Variants in TRIO observed in about 807,000 individuals in gnomAD.
TRIO encodes trio Rho guanine nucleotide exchange factor.
In TRIO, 58 loss-of-function variants were observed where a neutral mutation model predicts 351.9. That is an observed-to-expected ratio of 0.16 (90% CI 0.13 to 0.21). TRIO has a LOEUF of 0.21. TRIO is among the 10% of genes least tolerant of loss of function. TRIO has a pLI of 1.00. For synonymous variants in TRIO, 1,758 were observed against 1,595.7 expected, an observed-to-expected ratio of 1.10 and a Z score of -2.42; for missense variants, 3,201 against 4,027.8, an observed-to-expected ratio of 0.79 and a Z score of 5.56.
intron 1 of TRIO, among the ~76,000 whole-genome samples, chr5:14,197,500 T>A (rs1790855378): frequency 6.6e-6 from 1 of 152,234 alleles, no homozygotes; most frequent in Admixed American, 6.5e-5. Flanking sequence ...AAAGCAGTCA[T>A]ATCATTAGTC....
At chr5:14,451,445 C>T (rs547988451) in intron 34 of TRIO, among the ~76,000 whole-genome samples, 13 of 152,272 alleles carry the variant, frequency 8.5e-5, no homozygotes, top group African/African-American at 2.4e-4. Context: ...GAACCAACAC[C>T]GTCAACAGTC....
intron 48 of TRIO, 130 bp from the exon 49 acceptor site, chr5:14,492,437 C>T (rs1339343665): frequency 3.2e-6 from 4 of 1,252,384 alleles, no homozygotes; most frequent in Non-Finnish European, 4.4e-6. Context: ...TTGAAAATTT[C>T]TCGGTGCTTG....
intron 1 of TRIO, among the ~76,000 whole-genome samples, chr5:14,232,470 G>A (rs1014959542): frequency 3.9e-5 from 6 of 152,174 alleles, no homozygotes; most frequent in Admixed American, 6.5e-5. Flanking sequence ...ACTTGGTTAC[G>A]TTTATGGTGT....
intron 1 of TRIO, among the ~76,000 whole-genome samples, chr5:14,183,306 C>G (rs925251111): frequency 5.3e-5 from 8 of 152,088 alleles, no homozygotes; most frequent in Non-Finnish European, 1.0e-4. Context: ...TGACTTCTCT[C>G]CATCAGCAAG....
chr5:14,290,868 G>A lies in TRIO; in HGVS notation c.693G>A (p.Leu231=), dbSNP rs1261086026. ...EDYISNATHM[L]SRLEELQDIL... ...ACATTAGCAATGCCACCCACATGCT[G>A]TCTCGGCTGGAGGAACTTCAGGACA... Residue 231 remains leucine, a synonymous_variant, in exon 5 of 57, where the codon CTG becomes CTA. Transcript: ENST00000344204. The A allele has an allele frequency of 6.2e-7, 1 of 1,614,144 alleles. No individual in the cohort carries two copies. Among genetic ancestry groups the A allele is most frequent in the Admixed American group, 1.7e-5 (1 of 60,018 alleles).
chr5:14,379,437 A>T (rs1745873742), intron 20 of TRIO, among the ~76,000 whole-genome samples: 1 of 152,208 alleles, frequency 6.6e-6, no homozygotes, highest in Admixed American at 6.5e-5. Context: ...CCAGAGTTAG[A>T]TGAACTGGGT....
chr5:14,155,409 A>G (rs928953763), intron 1 of TRIO, among the ~76,000 whole-genome samples: 1 of 152,228 alleles, frequency 6.6e-6, no homozygotes, highest in Non-Finnish European at 1.5e-5. Context: ...ATATGATATC[A>G]TGATCTAAAT....
At chr5:14,148,908 G>A (rs1268575948) in intron 1 of TRIO, among the ~76,000 whole-genome samples, 2 of 152,240 alleles carry the variant, frequency 1.3e-5, no homozygotes, top group Non-Finnish European at 2.9e-5. Flanking sequence ...GGGTAAGCGG[G>A]TTCGATGTGC....
At chr5:14,230,246 C>T (rs991187145) in intron 1 of TRIO, among the ~76,000 whole-genome samples, 2 of 152,074 alleles carry the variant, frequency 1.3e-5, no homozygotes, top group Non-Finnish European at 2.9e-5. Context: ...TGTATAAAAC[C>T]TGTGCCCAAA....
At chr5:14,267,586 G>A (rs1001382388) in intron 1 of TRIO, among the ~76,000 whole-genome samples, 8 of 152,148 alleles carry the variant, frequency 5.3e-5, no homozygotes, top group African/African-American at 4.8e-5. Flanking sequence ...TTTTTAGAAC[G>A]TTTTTATAGT....
chr5:14,425,882 A>G (rs1750599732), intron 34 of TRIO, among the ~76,000 whole-genome samples: 1 of 152,214 alleles, frequency 6.6e-6, no homozygotes, highest in African/African-American at 2.4e-5. Flanking sequence ...TGTCAGCAAT[A>G]AATTTCTGTG....
intron 36 of TRIO, among the ~76,000 whole-genome samples, chr5:14,463,852 G>A (rs1464906899): frequency 6.6e-6 from 1 of 152,140 alleles, no homozygotes; most frequent in East Asian, 1.9e-4. Context: ...CCGGTGCTTA[G>A]CAGCTGTGAG....
At chr5:14,183,863 C>A in intron 1 of TRIO, 1 of 577,882 alleles carries the variant, frequency 1.7e-6, no homozygotes, top group Non-Finnish European at 3.1e-6. Flanking sequence ...CAACTGTTAA[C>A]CTTTGGCAGA....
intron 34 of TRIO, among the ~76,000 whole-genome samples, chr5:14,448,688 C>T (rs1457736240): frequency 1.3e-5 from 2 of 152,168 alleles, no homozygotes; most frequent in Non-Finnish European, 2.9e-5. Flanking sequence ...CAGAAAGCTG[C>T]TGGGCATGGA....
chr5:14,257,750 CTTT>C (rs1795107822), intron 1 of TRIO, among the ~76,000 whole-genome samples: 1 of 152,092 alleles, frequency 6.6e-6, no homozygotes, highest in Non-Finnish European at 1.5e-5. Context: ...TTGTTAGTGG[CTTT>C]TTAACAATAA....
intron 7 of TRIO, among the ~76,000 whole-genome samples, chr5:14,299,248 G>T (rs1737650220): frequency 6.6e-6 from 1 of 152,150 alleles, no homozygotes; most frequent in Non-Finnish European, 1.5e-5. Flanking sequence ...GTAATTTATG[G>T]ATTTGAAGGA....
At chr5:14,417,354 C>T (rs1189599460) in intron 33 of TRIO, among the ~76,000 whole-genome samples, 2 of 152,206 alleles carry the variant, frequency 1.3e-5, no homozygotes, top group African/African-American at 2.4e-5. Context: ...GTCTAGTGGA[C>T]ATGTGTTTCT....
intron 8 of TRIO, among the ~76,000 whole-genome samples, chr5:14,308,760 A>AG (rs1738629334): frequency 1.1e-5 from 1 of 90,804 alleles, no homozygotes; most frequent in Non-Finnish European, 2.2e-5. Context: ...CATCCATCCA[A>AG]TTACCCATCC....
intron 13 of TRIO, among the ~76,000 whole-genome samples, chr5:14,362,366 T>A (rs1343251416): frequency 6.6e-6 from 1 of 152,232 alleles, no homozygotes; most frequent in Admixed American, 6.5e-5. Flanking sequence ...TTGACAGTCA[T>A]TTCTTATTGT....
Sources: allele counts gnomAD v4.1 joint callset (sites outside exome capture counted in the v4.1 genomes callset), GRCh38; gene constraint gnomAD v4.1.1; transcripts MANE v1.5; gene names NCBI Gene and HGNC (gene_info 2026-07-23, HGNC 2026-07-21).